Variants in CAMTA1 observed in about 807,000 individuals in gnomAD.
CAMTA1 encodes the protein calmodulin-binding transcription activator 1.
In CAMTA1, 27 loss-of-function variants were observed where a neutral mutation model predicts 170.9. The observed-to-expected ratio is 0.16, with a 90% CI of 0.12 to 0.22. The LOEUF (loss-of-function observed/expected upper bound fraction) is 0.22. Ranked by LOEUF, CAMTA1 falls within the 10% of genes least tolerant of loss-of-function variation. The probability of loss-of-function intolerance (pLI) is 1.00; values close to 1 mark genes in which losing one functional copy is unlikely to be tolerated. For synonymous variants in CAMTA1, 833 were observed against 891.5 expected (o/e 0.93, Z 1.17); for missense variants, 1,619 against 2,217.2 (o/e 0.73, Z 5.42).
rs150964897 is a variant in CAMTA1, at chr1:6,959,611, T to C, written c.235-131693T>C. Among the ~76,000 whole-genome samples, 741 of 152,344 alleles carry C rather than the reference T, an allele frequency of 4.9e-3. 3 individuals carry two copies. Among genetic ancestry groups the C allele is most frequent in the South Asian group, 7.3e-3 (35 of 4,824 alleles). On this transcript the variant is annotated intron_variant, in intron 3 of 22. Transcript: ENST00000303635. The stretch of plus-strand genomic sequence containing the variant: ...CATAAAGTCAGGTGCCAGGAAAGTA[T>C]TTATTGTTAATAAAAGTAGCTAATG...
At chr1:7,668,551 C>T (rs1436522116) in intron 9 of CAMTA1, among the ~76,000 whole-genome samples, 3 of 152,050 alleles carry the variant, frequency 2.0e-5, no homozygotes, top group Non-Finnish European at 4.4e-5. Flanking sequence ...CCCCTCCCCA[C>T]CCCCAAAACC....
chr1:7,332,115 G>A (rs2083071152), intron 5 of CAMTA1, among the ~76,000 whole-genome samples: 1 of 152,228 alleles, frequency 6.6e-6, no homozygotes, highest in Non-Finnish European at 1.5e-5. Context: ...TGCAGCAAGA[G>A]TGCACCAGGT....
intron 4 of CAMTA1, among the ~76,000 whole-genome samples, chr1:7,172,225 C>T (rs1438639950): frequency 6.6e-6 from 1 of 152,122 alleles, no homozygotes; most frequent in Non-Finnish European, 1.5e-5. Flanking sequence ...TCTTGCCTCA[C>T]CGCAACCTCT....
chr1:7,455,627 T>C lies in CAMTA1; in HGVS notation c.439-12203T>C, dbSNP rs944484356. On this transcript the variant is annotated intron_variant, in intron 5 of 22. Transcript: ENST00000303635. The surrounding 1 kb of genome is among the most constrained non-coding windows in gnomAD (Gnocchi z 5.0). Reference sequence around the variant, plus strand: ...CTCCCTGGCCACATGCAGCCGCACATGTTGGAGTGTGCCGTGGATACCTAC... The same window carrying C: ...CTCCCTGGCCACATGCAGCCGCACACGTTGGAGTGTGCCGTGGATACCTAC... Among the ~76,000 whole-genome samples, 1 of 152,120 alleles carries C rather than the reference T, an allele frequency of 6.6e-6. No homozygotes were observed. Among genetic ancestry groups the C allele is most frequent in the Non-Finnish European group, 1.5e-5 (1 of 68,002 alleles).
chr1:6,930,945 T>G (rs1437414983), intron 3 of CAMTA1, among the ~76,000 whole-genome samples: 1 of 152,230 alleles, frequency 6.6e-6, no homozygotes, highest in Non-Finnish European at 1.5e-5. Flanking sequence ...CCGCCGCGTC[T>G]CCTCTGCACA....
At chr1:7,019,105 G>A (rs1700998381) in intron 3 of CAMTA1, among the ~76,000 whole-genome samples, 1 of 152,210 alleles carries the variant, frequency 6.6e-6, no homozygotes, top group African/African-American at 2.4e-5. Context: ...CGGGAGTGGA[G>A]CGGTGCCTGG....
At chr1:7,084,833 C>CT (rs949526637) in intron 3 of CAMTA1, among the ~76,000 whole-genome samples, 1 of 151,954 alleles carries the variant, frequency 6.6e-6, no homozygotes, top group African/African-American at 2.4e-5. Flanking sequence ...CACACAGGGA[C>CT]TTAGTAGGGA....
At chr1:7,579,779 C>T (rs903870288) in intron 6 of CAMTA1, among the ~76,000 whole-genome samples, 2 of 151,984 alleles carry the variant, frequency 1.3e-5, no homozygotes, top group Non-Finnish European at 2.9e-5. Context: ...AGGCTGGTCT[C>T]GAACTCCTGA....
chr1:7,611,901 C>T (rs1166124112), intron 6 of CAMTA1, among the ~76,000 whole-genome samples: 1 of 152,218 alleles, frequency 6.6e-6, no homozygotes, highest in African/African-American at 2.4e-5. Flanking sequence ...TCCCTGACCC[C>T]GTCAAGAGAC....
intron 3 of CAMTA1, among the ~76,000 whole-genome samples, chr1:6,851,649 C>T (rs563696449): frequency 5.9e-5 from 9 of 152,288 alleles, no homozygotes; most frequent in Non-Finnish European, 1.0e-4. Flanking sequence ...GAGACTGAGG[C>T]GGATGGATCA....
At position 7,588,534 on chromosome 1, in the gene CAMTA1, G is replaced by C. The variant is rs894625834; in HGVS notation, c.511-51866G>C. On this transcript the variant is annotated intron_variant, in intron 6 of 22. Coordinates refer to ENST00000303635, the MANE Select transcript of CAMTA1 (RefSeq NM_015215.4). This position sits in a 1 kb window ranked among gnomAD's most constrained non-coding sequence, Gnocchi z 5.8. Reference sequence around the variant, plus strand: ...AAGAGCTTGGTGTGCCCAAGGCCACGAAGTGGAGCCCAGGTCTTGCAGACT... The same window carrying C: ...AAGAGCTTGGTGTGCCCAAGGCCACCAAGTGGAGCCCAGGTCTTGCAGACT... Among the ~76,000 whole-genome samples the C allele has an allele frequency of 6.6e-6, 1 of 152,230 alleles. No homozygotes were observed. Among genetic ancestry groups the C allele is most frequent in the African/African-American group, 2.4e-5 (1 of 41,474 alleles).
intron 3 of CAMTA1, among the ~76,000 whole-genome samples, chr1:7,003,577 G>A (rs1463685155): frequency 6.6e-6 from 1 of 152,104 alleles, no homozygotes; most frequent in Non-Finnish European, 1.5e-5. Flanking sequence ...GAGCGAGGGA[G>A]CTCCTGGACT....
At chr1:7,573,022 C>G (rs932821273) in intron 6 of CAMTA1, among the ~76,000 whole-genome samples, 2 of 152,176 alleles carry the variant, frequency 1.3e-5, no homozygotes, top group Non-Finnish European at 2.9e-5. Flanking sequence ...TGTGTTCTAC[C>G]AGGAAGCAAT....
At chr1:7,030,610 T>G (rs1420150669) in intron 3 of CAMTA1, among the ~76,000 whole-genome samples, 1 of 152,248 alleles carries the variant, frequency 6.6e-6, no homozygotes, top group African/African-American at 2.4e-5. Flanking sequence ...TAATAATTTC[T>G]AATTTAATTC....
At chr1:7,052,738 G>A (rs1412739644) in intron 3 of CAMTA1, among the ~76,000 whole-genome samples, 2 of 152,166 alleles carry the variant, frequency 1.3e-5, no homozygotes, top group East Asian at 3.9e-4. Flanking sequence ...CTGCCCAGCA[G>A]CCTGACTGGC....
intron 5 of CAMTA1, among the ~76,000 whole-genome samples, chr1:7,444,973 C>G (rs2092641691): frequency 6.7e-6 from 1 of 148,526 alleles, no homozygotes; most frequent in Non-Finnish European, 1.5e-5. Flanking sequence ...GGGAAATAGA[C>G]TAAAAACAGC....
intron 3 of CAMTA1, among the ~76,000 whole-genome samples, chr1:6,904,621 A>G (rs1486235845): frequency 6.7e-6 from 1 of 150,272 alleles, no homozygotes; most frequent in African/African-American, 2.4e-5. Context: ...AGTAGCATGA[A>G]CAACATAGCT....
At chr1:7,418,545 G>A (rs1351285734) in intron 5 of CAMTA1, among the ~76,000 whole-genome samples, 1 of 152,118 alleles carries the variant, frequency 6.6e-6, no homozygotes, top group Non-Finnish European at 1.5e-5. Context: ...GACCTGAAAG[G>A]CTATCTCTGT....
chr1:7,015,319 G>A (rs987116983), intron 3 of CAMTA1, among the ~76,000 whole-genome samples: 3 of 152,072 alleles, frequency 2.0e-5, no homozygotes, highest in East Asian at 1.9e-4. Flanking sequence ...CAGACTCACC[G>A]CTTCCAGTGT....
Sources: allele counts gnomAD v4.1 joint callset (sites outside exome capture counted in the v4.1 genomes callset), GRCh38; gene constraint gnomAD v4.1.1; non-coding constraint Gnocchi (gnomAD v3.1); transcripts MANE v1.5; gene names NCBI Gene and HGNC (gene_info 2026-07-23, HGNC 2026-07-21).